Variants in OGG1 observed in about 807,000 individuals in gnomAD.
OGG1 encodes 8-oxoguanine DNA glycosylase.
In OGG1, 35 loss-of-function variants were observed where a neutral mutation model predicts 42.3. The ratio of observed to expected loss-of-function variants is 0.83; its 90% confidence interval spans 0.63 to 1.10. The LOEUF (loss-of-function observed/expected upper bound fraction) is 1.10. OGG1 is among the 50% of genes least tolerant of loss of function. OGG1 has a pLI of 0.00. For synonymous variants in OGG1, 189 were observed against 179.0 expected, an observed-to-expected ratio of 1.06 and a Z score of -0.44; for missense variants, 484 against 446.7, an observed-to-expected ratio of 1.08 and a Z score of -0.75.
At chr3:9,767,690 G>A (rs746178146), downstream of OGG1, 27 of 1,613,968 alleles carry the variant, frequency 1.7e-5, no homozygotes, top group East Asian at 4.5e-5. Context: ...CTCGGAAGTC[G>A]TAGATGTCTC....
At chr3:9,785,461 G>C (rs1233424700) in intron 3 of OGG1, 2 of 1,430,604 alleles carry the variant, frequency 1.4e-6, no homozygotes, top group Non-Finnish European at 2.0e-6. Context: ...AGGAAAAATA[G>C]CTGTTCCACT....
chr3:9,770,936 C>A (rs2078287357), downstream of OGG1, among the ~76,000 whole-genome samples: 1 of 152,184 alleles, frequency 6.6e-6, no homozygotes, highest in African/African-American at 2.4e-5. Flanking sequence ...CATGTTCCAG[C>A]TGGTGATGGG....
intron 1 of OGG1, 79 bp from the exon 2 acceptor site, chr3:9,750,866 C>G: frequency 6.6e-7 from 1 of 1,523,222 alleles, no homozygotes; most frequent in Non-Finnish European, 9.1e-7. Flanking sequence ...GTACATGGAG[C>G]TATTGTAGGA....
intron 3 of OGG1, among the ~76,000 whole-genome samples, chr3:9,753,822 C>T (rs1435684982): frequency 1.3e-5 from 2 of 152,186 alleles, no homozygotes; most frequent in Admixed American, 1.3e-4. Context: ...AATCATGAGG[C>T]AGTGTAGTGT....
At chr3:9,762,826 G>A in intron 7 of OGG1, 2 of 1,341,572 alleles carry the variant, frequency 1.5e-6, no homozygotes, top group African/African-American at 1.4e-5. Flanking sequence ...CAGTGAGGGG[G>A]TGAAAGTTGC....
chr3:9,756,427 A>T (rs1469529449), intron 4 of OGG1, 44 bp from the exon 5 acceptor site: 1 of 1,611,030 alleles, frequency 6.2e-7, no homozygotes, highest in Non-Finnish European at 8.5e-7. Context: ...TGCTGGCCAC[A>T]TGCTGCCCTT....
chr3:9,769,351 C>G (rs1344214321), downstream of OGG1, among the ~76,000 whole-genome samples: 5 of 152,296 alleles, frequency 3.3e-5, no homozygotes, highest in Admixed American at 1.3e-4. Flanking sequence ...CAAGTCCTTA[C>G]ACACCTAACT....
At chr3:9,768,543 T>C (rs1559707143), downstream of OGG1, among the ~76,000 whole-genome samples, 1 of 152,172 alleles carries the variant, frequency 6.6e-6, no homozygotes, top group Non-Finnish European at 1.5e-5. Flanking sequence ...AGGTTGGAGT[T>C]AGGTAGAGGC....
chr3:9,757,783 C>T (rs779796350), downstream of OGG1: 2 of 1,614,094 alleles, frequency 1.2e-6, no homozygotes, highest in Non-Finnish European at 8.5e-7. This position sits in a 1 kb window ranked among gnomAD's most constrained non-coding sequence, Gnocchi z 4.5. Flanking sequence ...CCCTGCCCCT[C>T]CTGGCTGGTG....
At position 9,754,740 on chromosome 3, in the gene OGG1, T is replaced by C; in HGVS notation, c.602T>C (p.Leu201Pro). 1 of 1,614,178 alleles carries C rather than the reference T, an allele frequency of 6.2e-7. No homozygotes were observed. The highest frequency in any genetic ancestry group is 1.1e-5 in the South Asian group (1 of 91,076). Residue 201 changes from leucine to proline, a missense_variant, in exon 4 of 7, where the codon CTG becomes CCG. By Grantham distance (98) the Leu-to-Pro change is moderately conservative. Transcript: ENST00000344629. Reference protein sequence around the residue: ...EVEAHLRKLGLGYRARYVSAS... With the variant: ...EVEAHLRKLGPGYRARYVSAS... ...GAGGCTCATCTCAGGAAGCTGGGCCTGGGCTATCGTGCCCGTTACGTGAGT... is the reference window on the plus strand; with the variant it reads ...GAGGCTCATCTCAGGAAGCTGGGCCCGGGCTATCGTGCCCGTTACGTGAGT...
At chr3:9,779,458 C>T (rs1346616905) in intron 2 of OGG1, among the ~76,000 whole-genome samples, 2 of 151,850 alleles carry the variant, frequency 1.3e-5, no homozygotes, top group Non-Finnish European at 2.9e-5. Flanking sequence ...TCACCTTAGG[C>T]AGAGGTCGAC....
chr3:9,759,431 T>G, downstream of OGG1: 1 of 1,611,036 alleles, frequency 6.2e-7, no homozygotes, highest in African/African-American at 1.3e-5. Context: ...TGAGCCTGGG[T>G]AGGGATGGGG....
At chr3:9,761,508 G>T (rs1191804647), downstream of OGG1, 1 of 1,613,634 alleles carries the variant, frequency 6.2e-7, no homozygotes, top group South Asian at 1.1e-5. Flanking sequence ...CAGCCTTGCT[G>T]TAGGGCTTCT....
chr3:9,752,012 C>T (rs1361257877), intron 3 of OGG1, 63 bp downstream of exon 3: 2 of 1,503,844 alleles, frequency 1.3e-6, no homozygotes, highest in African/African-American at 1.4e-5. Context: ...TTCATTTCTC[C>T]CCTGGTTACC....
downstream of OGG1, chr3:9,757,616 C>T (rs2077643789): frequency 6.2e-7 from 1 of 1,614,174 alleles, no homozygotes; most frequent in African/African-American, 1.3e-5. This position sits in a 1 kb window ranked among gnomAD's most constrained non-coding sequence, Gnocchi z 4.5. Context: ...CAGCCAGCTG[C>T]CGGCCCTGCA....
chr3:9,788,664 C>T (rs531598508), downstream of OGG1, among the ~76,000 whole-genome samples: 1 of 152,002 alleles, frequency 6.6e-6, no homozygotes, highest in African/African-American at 2.4e-5. Flanking sequence ...CTCAGCCTCC[C>T]GAGTAGCCAG....
chr3:9,773,268 G>A (rs372781499), intron 2 of OGG1, among the ~76,000 whole-genome samples: 37 of 150,906 alleles, frequency 2.5e-4, no homozygotes, highest in African/African-American at 8.5e-4. Flanking sequence ...GGTGGCTAAC[G>A]CCTATAATTC....
intron 3 of OGG1, chr3:9,787,431 T>C: frequency 6.7e-7 from 1 of 1,496,530 alleles, no homozygotes; most frequent in African/African-American, 1.4e-5. Context: ...TATATCTCTC[T>C]CAAGTCCCTA....
At chr3:9,756,976 C>T in intron 6 of OGG1, 85 bp from the exon 7 acceptor site, 2 of 1,612,442 alleles carry the variant, frequency 1.2e-6, no homozygotes, top group East Asian at 4.5e-5. Flanking sequence ...CCCAAGGACT[C>T]TTCCACCTCC....
Sources: allele counts gnomAD v4.1 joint callset (sites outside exome capture counted in the v4.1 genomes callset), GRCh38; gene constraint gnomAD v4.1.1; non-coding constraint Gnocchi (gnomAD v3.1); transcripts MANE v1.5; gene names NCBI Gene and HGNC (gene_info 2026-07-23, HGNC 2026-07-21).